Variants in CHRNA10 observed in about 807,000 individuals in gnomAD.
CHRNA10 encodes neuronal acetylcholine receptor subunit alpha-10.
Under a neutral mutation model 36.0 loss-of-function variants are expected in CHRNA10, and 31 were observed. That is an observed-to-expected ratio of 0.86 (90% CI 0.65 to 1.16). The LOEUF is 1.16. Ranked by LOEUF, CHRNA10 falls within the 50% of genes most tolerant of loss-of-function variation. The probability of loss-of-function intolerance (pLI) is 0.00; values close to 1 mark genes in which losing one functional copy is unlikely to be tolerated. For missense variants in CHRNA10, 648 were observed against 640.9 expected (o/e 1.01, Z -0.12); for synonymous variants, 302 against 287.0 (o/e 1.05, Z -0.53).
intron 1 of CHRNA10, among the ~76,000 whole-genome samples, chr11:3,670,289 G>T (rs1341878691): frequency 6.6e-6 from 1 of 152,148 alleles, no homozygotes; most frequent in East Asian, 1.9e-4. Context: ...AAACCCCACT[G>T]CTCTGCCCCC....
chr11:3,670,049 G>T, intron 1 of CHRNA10, 108 bp from the exon 2 acceptor site: 1 of 1,225,502 alleles, frequency 8.2e-7, no homozygotes, highest in South Asian at 1.3e-5. Context: ...GTGTCCTCCT[G>T]GTGTCTGCCT....
chr11:3,669,760 G>A (rs1564790262), intron 2 of CHRNA10, 36 bp downstream of exon 2: 1 of 1,612,624 alleles, frequency 6.2e-7, no homozygotes, highest in African/African-American at 1.3e-5. Context: ...ACTGTGACAG[G>A]TAAGACTCCA....
rs909765043 is a variant in CHRNA10 at position 3,667,387 on chromosome 11, CAGGGCAGCAGCAGGTTGCACACGT to C, written c.716_739del (p.Tyr239_Pro246del). 1 of 1,601,530 alleles carries C rather than the reference CAGGGCAGCAGCAGGTTGCACACGT, an allele frequency of 6.2e-7. No homozygotes were observed. Among genetic ancestry groups the C allele is most frequent in the African/African-American group, 1.3e-5 (1 of 74,818 alleles). On this transcript the variant is annotated inframe_deletion, in exon 4 of 5. Coordinates refer to ENST00000250699, the MANE Select transcript of CHRNA10 (RefSeq NM_020402.4). ...CGGCGCAAGCAGCGAGATGAGCACG[CAGGGCAGCAGCAGGTTGCACACGT>C]AGGCGGCGGCGCGGCGGCGCAGCAG...
Position 3,666,146 on chromosome 11 carries a change from G to A in CHRNA10, c.1314C>T (p.Ala438=). 1 of 1,596,338 alleles carries A rather than the reference G, an allele frequency of 6.3e-7. No homozygotes were observed. Among genetic ancestry groups the A allele is most frequent in the Non-Finnish European group, 8.5e-7 (1 of 1,170,932 alleles). ...RFFLAIFFSM[A]LVMSLLVLVQ... is the part of the protein sequence containing the mutation. Reference sequence around the variant, plus strand: ...CCAGCACCAGGAGGCTCATGACCAGGGCCATGGAGAAGAAGATGGCCAGGA... The same window carrying A: ...CCAGCACCAGGAGGCTCATGACCAGAGCCATGGAGAAGAAGATGGCCAGGA... The change falls in exon 5 of 5, where the codon GCC becomes GCT. Residue 438 remains alanine (A), a synonymous_variant. Transcript: ENST00000250699.
rs1251054604 is a variant in CHRNA10 at position 3,669,286 on chromosome 11, AG to A, written c.271del (p.Leu91TyrfsTer68). 1 of 1,614,072 alleles carries A rather than the reference AG, an allele frequency of 6.2e-7. No individual in the cohort carries two copies. The highest frequency in any genetic ancestry group is 2.2e-5 in the East Asian group (1 of 44,884). ...ACCATAGGCATTGGGGTCCCATCGT[AG>A]GTAGGCATCTGTCCACTCCTGCCGT... ...WIRQEWTDAY[L>X]RWDPNAYGGL... is the part of the protein sequence containing the mutation. On this transcript the variant is annotated frameshift_variant, in exon 3 of 5. Transcript: ENST00000250699. LOFTEE classifies it high-confidence loss of function.
intron 3 of CHRNA10, among the ~76,000 whole-genome samples, chr11:3,668,309 C>A (rs901829157): frequency 5.3e-5 from 8 of 152,012 alleles, no homozygotes; most frequent in Admixed American, 5.2e-4. Context: ...GTCAGGAGAT[C>A]GAGACCACCC....
At chr11:3,669,003 G>C in intron 3 of CHRNA10, 193 bp downstream of exon 3, 1 of 590,272 alleles carries the variant, frequency 1.7e-6, no homozygotes, top group Non-Finnish European at 3.0e-6. Context: ...GCCTGGGCTG[G>C]CCTGGGATAG....
rs373381459 is a variant in CHRNA10, at chr11:3,671,333, G to C, written c.-21C>G. 2.7e-5 allele frequency: 44 copies of C among 1,613,114 alleles called. No homozygotes were observed. The African/African-American group carries it at 4.0e-4, about 15-fold the overall frequency. Reference sequence around the variant, plus strand: ...CCCATGGCCCTGGCACTGCAAGAGCGGGGGCAGGTCTCTGGATGTGAGGCC... The same window carrying C: ...CCCATGGCCCTGGCACTGCAAGAGCCGGGGCAGGTCTCTGGATGTGAGGCC... On this transcript the variant is annotated 5_prime_UTR_variant, in exon 1 of 5. Transcript: ENST00000250699.
Position 3,666,179 on chromosome 11 carries a change from G to C in CHRNA10, c.1281C>G (p.Asp427Glu). ...EDWKRLARVMDRFFLAIFFSM... is the reference protein window; with the variant it reads ...EDWKRLARVMERFFLAIFFSM... ...AGAAGAAGATGGCCAGGAAGAAGCG[G>C]TCCATCACACGGGCCAGGCGCTTCC... Residue 427 changes from aspartate to glutamate, a missense_variant, in exon 5 of 5, where the codon GAC becomes GAG. Physicochemically the swap from Asp to Glu is conservative, Grantham distance 45. Transcript: ENST00000250699. The C allele has an allele frequency of 6.2e-7, 1 of 1,611,570 alleles. No individual in the cohort carries two copies. The highest frequency in any genetic ancestry group is 8.5e-7 in the Non-Finnish European group (1 of 1,178,894).
intron 3 of CHRNA10, 27 bp from the exon 4 acceptor site, chr11:3,667,791 C>T (rs2077679691): frequency 2.1e-6 from 3 of 1,460,900 alleles, no homozygotes; most frequent in Non-Finnish European, 2.7e-6. Context: ...CAGGGCTCAC[C>T]TAGGCTGTCC....
intron 1 of CHRNA10, among the ~76,000 whole-genome samples, chr11:3,670,242 T>G (rs1010192990): frequency 6.6e-6 from 1 of 152,140 alleles, no homozygotes; most frequent in Non-Finnish European, 1.5e-5. Flanking sequence ...GGGGCCCAAA[T>G]AAGCCACAAG....
intron 3 of CHRNA10, 67 bp from the exon 4 acceptor site, chr11:3,667,831 G>T: frequency 7.4e-7 from 1 of 1,352,464 alleles, no homozygotes; most frequent in Non-Finnish European, 9.6e-7. Context: ...GAGGCCGGGA[G>T]CCCAGGGCAG....
Position 3,671,303 on chromosome 11 carries a change from G to A in CHRNA10, c.10C>T (p.Arg4Trp), listed in dbSNP as rs757689014. 20 of 1,613,984 alleles carry A rather than the reference G, an allele frequency of 1.2e-5. No individual in the cohort carries two copies. The highest frequency in any genetic ancestry group is 3.3e-5 in the Admixed American group (2 of 60,014). Residue 4 changes from arginine to tryptophan, a missense_variant, in exon 1 of 5, where the codon CGG (arginine) becomes TGG (tryptophan). Physicochemically the swap from Arg to Trp is moderately radical, Grantham distance 101. Transcript: ENST00000250699. ...AGGCCCAGGCTGAGGTGGTGGCTCC[G>A]GAGCCCCATGGCCCTGGCACTGCAA... MGLRSHHLSLGLLL... is the reference protein window; with the variant it reads MGLWSHHLSLGLLL...
chr11:3,667,909 T>A, intron 3 of CHRNA10, 145 bp from the exon 4 acceptor site: 1 of 715,502 alleles, frequency 1.4e-6, no homozygotes, highest in Non-Finnish European at 2.1e-6. Context: ...TTCGAGACAC[T>A]CACGACGCAG....
At position 3,671,091 on chromosome 11, in the gene CHRNA10, A is replaced by C. The variant is rs765497962; in HGVS notation, c.61+161T>G. ...TAGCCAGGCAAGTCTCCTCTCACGC[A>C]CTTCAGCACCCCTCTCCTCCACACT... is the stretch of plus-strand genomic sequence containing the variant. On this transcript the variant is annotated intron_variant, in intron 1 of 4. Coordinates refer to ENST00000250699, the MANE Select transcript of CHRNA10 (RefSeq NM_020402.4). 1.4e-4 allele frequency: 99 copies of C among 711,034 alleles called. No homozygotes were observed. In the Admixed American group the frequency reaches 1.6e-3, roughly 12 times the overall value. The allele number at this position is 711,034 out of a possible 1,614,324, so 44.0% of individuals were successfully genotyped here.
intron 3 of CHRNA10, 119 bp downstream of exon 3, chr11:3,669,077 G>T: frequency 8.5e-7 from 1 of 1,180,258 alleles, no homozygotes; most frequent in Non-Finnish European, 1.2e-6. Context: ...CTGGGGAAAA[G>T]CTTCCAGGGC....
rs1473776398 is a variant in CHRNA10, at chr11:3,669,348, A to G, written c.210T>C (p.Asp70=). 10 of 1,613,466 alleles carry G rather than the reference A, an allele frequency of 6.2e-6. No homozygotes were observed. The highest frequency in any genetic ancestry group is 8.5e-6 in the Non-Finnish European group (10 of 1,179,670). The change falls in exon 3 of 5, where the codon GAT becomes GAC. Residue 70 remains aspartate, a splice_region_variant and synonymous_variant. Transcript: ENST00000250699. ...ACAGGGTCAGCACCTGGTTCCGTTC[A>G]TCCTAGTGGGGGCAGGGAATGGCAG... ...EVTLSQIIDM[D]ERNQVLTLYL...
intron 2 of CHRNA10, 68 bp downstream of exon 2, chr11:3,669,728 T>C: frequency 6.4e-7 from 1 of 1,564,842 alleles, no homozygotes; most frequent in East Asian, 2.2e-5. Flanking sequence ...AATCCCAGTC[T>C]CTCACCCCTT....
intron 4 of CHRNA10, 62 bp downstream of exon 4, chr11:3,667,170 G>C: frequency 6.8e-7 from 1 of 1,467,186 alleles, no homozygotes; most frequent in Non-Finnish European, 9.0e-7. Context: ...AGGCCCTGTC[G>C]CGGCCCCGCC....
Sources: gnomAD v4.1 joint callset for allele counts (sites outside exome capture counted in the v4.1 genomes callset) on GRCh38, gnomAD v4.1.1 for gene constraint, MANE v1.5 for transcripts, NCBI Gene and HGNC (gene_info 2026-07-23, HGNC 2026-07-21) for gene names.